The following CDH11 variants were observed in gnomAD, a reference collection of about 807,000 sequenced individuals.
The protein encoded by CDH11 is cadherin-11.
Under a neutral mutation model 67.8 loss-of-function variants are expected in CDH11, and 11 were observed. The observed-to-expected ratio is 0.16, with a 90% CI of 0.10 to 0.27. CDH11 has a LOEUF of 0.27. CDH11 is among the 10% of genes least tolerant of loss of function. CDH11 has a pLI of 1.00. For missense variants in CDH11, 847 were observed against 1,031.2 expected (o/e 0.82, Z 2.45); for synonymous variants, 419 against 400.0 (o/e 1.05, Z -0.57).
At chr16:65,039,311 T>C (rs961323001) in intron 2 of CDH11, among the ~76,000 whole-genome samples, 4 of 152,180 alleles carry the variant, frequency 2.6e-5, no homozygotes, top group Admixed American at 1.3e-4. Context: ...CTTCAAACTA[T>C]ACTACAAGGC....
At chr16:65,033,237 A>AACACACACAC (rs57645922) in intron 2 of CDH11, among the ~76,000 whole-genome samples, 28,779 of 139,230 alleles carry the variant, frequency 0.21, 3,110 homozygotes, top group Middle Eastern at 0.3. Context: ...AAACTAGGAA[A>AACACACACAC]ACACACACAC....
Position 65,008,625 on chromosome 16 carries a change from C to G in CDH11, c.-172-3584G>C, listed in dbSNP as rs113827744. 2.1e-3 allele frequency among the ~76,000 whole-genome samples: 313 copies of G among 152,306 alleles called. 2 individuals are homozygous for G. Among genetic ancestry groups the G allele is most frequent in the Non-Finnish European group, 3.7e-3 (252 of 68,020 alleles). ...ACTGAGTTCCAGACACATTAAACAA[C>G]TTATGCAGACTTACGCTTCTAGTAA... On this transcript the variant is annotated intron_variant, in intron 2 of 12. Coordinates refer to ENST00000268603, the MANE Select transcript of CDH11 (RefSeq NM_001797.4).
At position 65,037,293 on chromosome 16, in the gene CDH11, G is replaced by A. The variant is rs1315563387; in HGVS notation, c.-173+16511C>T. Among the ~76,000 whole-genome samples the A allele has an allele frequency of 3.9e-5, 6 of 152,210 alleles. No individual in the cohort carries two copies. In the East Asian group the frequency reaches 5.8e-4, roughly 15 times the overall value. ...TGGAGACAAAATTCCCCACCACCCC[G>A]ATTTCCTCATTGCAGAGGACAGAGT... On this transcript the variant is annotated intron_variant, in intron 2 of 12. Transcript: ENST00000268603.
chr16:65,050,423 A>G (rs2074035067), intron 2 of CDH11, among the ~76,000 whole-genome samples: 2 of 152,196 alleles, frequency 1.3e-5, no homozygotes, highest in African/African-American at 4.8e-5. Flanking sequence ...AGGAAAGAGG[A>G]AGTGCCCTTT....
In CDH11 at chr16:64,971,626, G is replaced by T; in HGVS notation, c.1595C>A (p.Pro532His). The change falls in exon 11 of 13, where the codon CCC (proline) becomes CAC (histidine). Residue 532 changes from proline (P) to histidine (H), a missense_variant. Coordinates refer to ENST00000268603, the MANE Select transcript of CDH11 (RefSeq NM_001797.4). The part of the protein sequence containing the change: ...ANGPRFIFSL[P>H]PEIIHNPNFT... ...ATTTGGATTGTGAATGATTTCAGGG[G>T]GTAGGCTGAAGATAAATCTTGGTCC... 1.2e-6 allele frequency: 2 copies of T among 1,613,690 alleles called. No homozygotes were observed. Among genetic ancestry groups the T allele is most frequent in the Non-Finnish European group, 1.7e-6 (2 of 1,179,798 alleles).
intron 2 of CDH11, among the ~76,000 whole-genome samples, chr16:65,041,956 G>C (rs1247649764): frequency 2.0e-5 from 3 of 152,236 alleles, no homozygotes; most frequent in Admixed American, 6.5e-5. Context: ...CTCAGAGAGA[G>C]AGAGAGAGAT....
chr16:65,073,627 G>A (rs184747239), intron 1 of CDH11, among the ~76,000 whole-genome samples: 2 of 151,934 alleles, frequency 1.3e-5, no homozygotes, highest in African/African-American at 2.4e-5. Context: ...GCTTTTTTGG[G>A]TACCCTCTTA....
Position 64,947,672 on chromosome 16 carries a change from G to C in CDH11, c.2322C>G (p.Asn774Lys), listed in dbSNP as rs765504206. Residue 774 changes from asparagine (N) to lysine (K), a missense_variant, in exon 13 of 13, where the codon AAC becomes AAG. By Grantham distance (94) the Asn-to-Lys change is moderately conservative. Coordinates refer to ENST00000268603, the MANE Select transcript of CDH11 (RefSeq NM_001797.4). The stretch of plus-strand genomic sequence containing the variant: ...CTAGTTTCTTAAAACGAGGTCCCCA[G>C]TTCTGTAGATAATCATAGTCCAAGT... The part of the protein sequence containing the change: ...DSDLDYDYLQ[N>K]WGPRFKKLAD... The C allele has an allele frequency of 2.5e-6, 4 of 1,614,112 alleles. No individual in the cohort carries two copies. Among genetic ancestry groups the C allele is most frequent in the Non-Finnish European group, 3.4e-6 (4 of 1,179,976 alleles).
chr16:65,021,727 TGTTA>T (rs765915176), intron 2 of CDH11, among the ~76,000 whole-genome samples: 115 of 151,532 alleles, frequency 7.6e-4, no homozygotes, highest in Non-Finnish European at 1.3e-3. Context: ...TACTTTTTTT[TGTTA>T]GTTTGTTTTT....
At chr16:65,053,514 G>A (rs991504365) in intron 2 of CDH11, among the ~76,000 whole-genome samples, 12 of 152,146 alleles carry the variant, frequency 7.9e-5, no homozygotes, top group Middle Eastern at 3.2e-3. Flanking sequence ...TGTTCAGCCG[G>A]GTCCTTGCTA....
rs113679626 is a variant in CDH11, at chr16:65,108,685, A to T, written c.-298+13195T>A. Among the ~76,000 whole-genome samples the T allele has an allele frequency of 6.2e-3, 146 of 23,508 alleles. 1 individual carries two copies. The South Asian group carries it at 0.11, about 17-fold the overall frequency. 15.4% of individuals were successfully genotyped at this position (23,508 alleles called of 152,430 possible). On this transcript the variant is annotated intron_variant, in intron 1 of 12. Coordinates refer to ENST00000268603, the MANE Select transcript of CDH11 (RefSeq NM_001797.4). The stretch of plus-strand genomic sequence containing the variant: ...TGCTGCTGCTATCAAATCAATATTT[A>T]AAAAAAAAAACTTTTAAACATGTGG...
In CDH11 at chr16:65,026,346, T is replaced by G. The variant is rs191525496; in HGVS notation, c.-172-21305A>C. Reference sequence around the variant, plus strand: ...TTGGAGCCCTTTGGTCTGTATTTAGTTCATATGCCTAGCTAATGCCCAAAA... The same window carrying G: ...TTGGAGCCCTTTGGTCTGTATTTAGGTCATATGCCTAGCTAATGCCCAAAA... On this transcript the variant is annotated intron_variant, in intron 2 of 12. Coordinates refer to ENST00000268603, the MANE Select transcript of CDH11 (RefSeq NM_001797.4). Among the ~76,000 whole-genome samples the G allele has an allele frequency of 6.1e-4, 93 of 152,288 alleles. 1 individual carries two copies. The East Asian group carries it at 0.014, about 22-fold the overall frequency.
chr16:64,951,670 G>A (rs2071365488), intron 11 of CDH11, among the ~76,000 whole-genome samples: 1 of 152,042 alleles, frequency 6.6e-6, no homozygotes, highest in Non-Finnish European at 1.5e-5. Flanking sequence ...CCTATGTGCA[G>A]ACTTCCTACT....
chr16:65,066,075 T>TA (rs984684558), intron 1 of CDH11, among the ~76,000 whole-genome samples: 10 of 152,212 alleles, frequency 6.6e-5, no homozygotes, highest in African/African-American at 9.6e-5. Context: ...AGCCCTTCAT[T>TA]AGTGAGCCTC....
chr16:65,087,516 A>G (rs2074721016), intron 1 of CDH11, among the ~76,000 whole-genome samples: 1 of 152,176 alleles, frequency 6.6e-6, no homozygotes, highest in South Asian at 2.1e-4. Context: ...CTTGCTCTTA[A>G]TATTTTTATC....
chr16:64,979,488 T>G (rs1430159809), intron 8 of CDH11, among the ~76,000 whole-genome samples: 2 of 152,062 alleles, frequency 1.3e-5, no homozygotes, highest in Non-Finnish European at 2.9e-5. Context: ...TTGGTGTCAC[T>G]AGTCATTATG....
intron 11 of CDH11, among the ~76,000 whole-genome samples, chr16:64,961,391 A>T (rs2071671472): frequency 6.6e-6 from 1 of 152,146 alleles, no homozygotes; most frequent in Admixed American, 6.5e-5. Flanking sequence ...ATAGCCATGT[A>T]ACCCCATGAT....
At position 64,982,023 on chromosome 16, in the gene CDH11, G is replaced by C. The variant is rs376431317; in HGVS notation, c.1253+25C>G. Reference sequence around the variant, plus strand: ...CTTGACTCTAAAATTCCCCATCCAAGCTCTTAAAATAAATCCGTCTGTACC... The same window carrying C: ...CTTGACTCTAAAATTCCCCATCCAACCTCTTAAAATAAATCCGTCTGTACC... On this transcript the variant is annotated intron_variant, in intron 8 of 12. Transcript: ENST00000268603. 7 of 1,566,376 alleles carry C rather than the reference G, an allele frequency of 4.5e-6. No individual in the cohort carries two copies. The African/African-American group carries it at 6.8e-5, about 15-fold the overall frequency.
At chr16:64,996,207 A>G (rs1300682884) in intron 4 of CDH11, among the ~76,000 whole-genome samples, 4 of 152,188 alleles carry the variant, frequency 2.6e-5, no homozygotes, top group African/African-American at 9.6e-5. Flanking sequence ...TTACAATTCA[A>G]GGCTGGGCAC....
Sources: allele counts gnomAD v4.1 joint callset (sites outside exome capture counted in the v4.1 genomes callset), GRCh38; gene constraint gnomAD v4.1.1; transcripts MANE v1.5; gene names NCBI Gene and HGNC (gene_info 2026-07-23, HGNC 2026-07-21).